PLXDC2: variants seen among roughly 807,000 people sequenced by gnomAD.
The protein encoded by PLXDC2 is plexin domain containing 2, also known as plexin domain-containing protein 2.
Under a neutral mutation model 68.9 loss-of-function variants are expected in PLXDC2, and 40 were observed. That is an observed-to-expected ratio of 0.58 (90% CI 0.45 to 0.76). The LOEUF is 0.76. PLXDC2 is among the 30% of genes least tolerant of loss of function. The pLI, the probability that PLXDC2 is intolerant of heterozygous loss-of-function variation, is 0.00. For missense variants in PLXDC2, 644 were observed against 661.9 expected (o/e 0.97, Z 0.30); for synonymous variants, 243 against 234.2 (o/e 1.04, Z -0.34).
chr10:19,952,400 G>A (rs547212474), intron 1 of PLXDC2, among the ~76,000 whole-genome samples: 3 of 152,210 alleles, frequency 2.0e-5, no homozygotes, highest in African/African-American at 7.2e-5. Context: ...CCTCAAATAA[G>A]TAATGAAAAT....
At chr10:20,118,574 C>G (rs1833653038) in intron 4 of PLXDC2, among the ~76,000 whole-genome samples, 1 of 152,124 alleles carries the variant, frequency 6.6e-6, no homozygotes, top group African/African-American at 2.4e-5. Context: ...TTTTCTAAAT[C>G]CATAGTGTAG....
intron 1 of PLXDC2, among the ~76,000 whole-genome samples, chr10:19,951,376 A>C (rs1258011828): frequency 7.9e-5 from 12 of 152,186 alleles, no homozygotes; most frequent in Non-Finnish European, 1.8e-4. Flanking sequence ...ATACACACAC[A>C]TAGGTAGCCA....
chr10:20,096,716 C>G (rs773073146), intron 4 of PLXDC2, among the ~76,000 whole-genome samples: 1 of 152,048 alleles, frequency 6.6e-6, no homozygotes, highest in Non-Finnish European at 1.5e-5. Flanking sequence ...ATTTGTAAAG[C>G]TAAGTAATTG....
chr10:20,221,102 C>T (rs1835205989), intron 12 of PLXDC2, among the ~76,000 whole-genome samples: 1 of 152,000 alleles, frequency 6.6e-6, no homozygotes, highest in Non-Finnish European at 1.5e-5. Context: ...CTCGACCTCC[C>T]AAAGTGCTGG....
At chr10:19,817,388 T>A (rs1307454503) in intron 1 of PLXDC2, among the ~76,000 whole-genome samples, 197 bp downstream of exon 1, 1 of 151,116 alleles carries the variant, frequency 6.6e-6, no homozygotes. Context: ...GGACTAGGGG[T>A]TTTCTTGAGG....
chr10:20,110,016 A>G (rs1306232619), intron 4 of PLXDC2, among the ~76,000 whole-genome samples: 1 of 152,242 alleles, frequency 6.6e-6, no homozygotes, highest in African/African-American at 2.4e-5. Flanking sequence ...ACAAGTCAAC[A>G]CACAAAAAAT....
At chr10:20,028,414 A>G (rs1167022332) in intron 2 of PLXDC2, among the ~76,000 whole-genome samples, 3 of 152,312 alleles carry the variant, frequency 2.0e-5, no homozygotes, top group African/African-American at 7.2e-5. Flanking sequence ...TTATTTGAAT[A>G]TGAGAGGGAG....
At position 20,267,758 on chromosome 10, in the gene PLXDC2, T is replaced by TACAAA. The variant is rs547418859; in HGVS notation, c.1474-11928_1474-11924dup. Among the ~76,000 whole-genome samples the TACAAA allele has an allele frequency of 3.2e-3, 452 of 141,462 alleles. 4 individuals carry two copies. Among genetic ancestry groups the TACAAA allele is most frequent in the African/African-American group, 0.012 (425 of 36,810 alleles). 92.8% of individuals were successfully genotyped at this position (141,462 alleles called of 152,430 possible). On this transcript the variant is annotated intron_variant, in intron 13 of 13. Transcript: ENST00000377252. ...AACCCCTGAGTATTATACCATTGACTACAAAACAAAACAAAACAAAAACAA... is the reference window on the plus strand; with the variant it reads ...AACCCCTGAGTATTATACCATTGACTACAAAACAAAACAAAACAAAACAAAAACAA...
At chr10:20,275,639 G>A (rs984489529) in intron 13 of PLXDC2, among the ~76,000 whole-genome samples, 5 of 151,870 alleles carry the variant, frequency 3.3e-5, no homozygotes, top group Non-Finnish European at 5.9e-5. Flanking sequence ...AGGGTCGGGC[G>A]CTTTGGCTCA....
chr10:20,063,559 G>T (rs1379389943), intron 3 of PLXDC2, among the ~76,000 whole-genome samples: 1 of 151,818 alleles, frequency 6.6e-6, no homozygotes, highest in Non-Finnish European at 1.5e-5. Flanking sequence ...TGGGAATTGG[G>T]TATATTTAGG....
At chr10:20,059,671 T>C (rs1022528650) in intron 3 of PLXDC2, among the ~76,000 whole-genome samples, 4 of 152,176 alleles carry the variant, frequency 2.6e-5, no homozygotes, top group African/African-American at 9.6e-5. Flanking sequence ...TCAGCCCCTT[T>C]CCATGGACAT....
intron 5 of PLXDC2, among the ~76,000 whole-genome samples, chr10:20,146,923 A>G (rs1224328179): frequency 6.6e-6 from 1 of 152,158 alleles, no homozygotes; most frequent in Non-Finnish European, 1.5e-5. Context: ...TTTCAGCACA[A>G]CTTTTTTGGG....
intron 4 of PLXDC2, among the ~76,000 whole-genome samples, chr10:20,105,004 T>TCA (rs1331670386): frequency 8.1e-6 from 1 of 123,142 alleles, no homozygotes; most frequent in Non-Finnish European, 1.6e-5. Context: ...TGAGCCGAGA[T>TCA]CACACCACAG....
chr10:19,976,649 G>A (rs1308383870), intron 1 of PLXDC2, among the ~76,000 whole-genome samples: 6 of 152,236 alleles, frequency 3.9e-5, no homozygotes, highest in Admixed American at 1.3e-4. Flanking sequence ...TCATTGCAGA[G>A]CACCCAATGT....
chr10:20,259,492 A>G (rs1835783469), intron 13 of PLXDC2, among the ~76,000 whole-genome samples: 1 of 152,238 alleles, frequency 6.6e-6, no homozygotes, highest in Admixed American at 6.5e-5. Flanking sequence ...TGTGGACAAT[A>G]TTTACAAAAA....
intron 1 of PLXDC2, among the ~76,000 whole-genome samples, chr10:19,924,814 T>A (rs1833512140): frequency 6.6e-6 from 1 of 152,208 alleles, no homozygotes; most frequent in Non-Finnish European, 1.5e-5. Flanking sequence ...GATATTGGTG[T>A]CTGTGTGTTC....
Position 20,285,578 on chromosome 10 carries a change from T to A in PLXDC2, c.*5759T>A, listed in dbSNP as rs1836142777. ...ATGTCTGTGCTGTAGACCTGTTAATTTTATCTGTGAGAAAAAAAGTTACTC... is the reference window on the plus strand; with the variant it reads ...ATGTCTGTGCTGTAGACCTGTTAATATTATCTGTGAGAAAAAAAGTTACTC... On this transcript the variant is annotated 3_prime_UTR_variant, in exon 14 of 14. Coordinates refer to ENST00000377252, the MANE Select transcript of PLXDC2 (RefSeq NM_032812.9). The A allele has an allele frequency of 6.6e-6, 1 of 152,212 alleles. No homozygotes were observed. Among genetic ancestry groups the A allele is most frequent in the African/African-American group, 2.4e-5 (1 of 41,444 alleles). 9.4% of individuals were successfully genotyped at this position (152,212 alleles called of 1,614,324 possible).
intron 10 of PLXDC2, among the ~76,000 whole-genome samples, chr10:20,214,440 C>T (rs1835109668): frequency 6.6e-6 from 1 of 152,134 alleles, no homozygotes; most frequent in African/African-American, 2.4e-5. Context: ...TCAGATTTTT[C>T]TCCCCTGTCT....
At chr10:19,949,299 G>A (rs1326231) in intron 1 of PLXDC2, among the ~76,000 whole-genome samples, 1 of 152,056 alleles carries the variant, frequency 6.6e-6, no homozygotes, top group African/African-American at 2.4e-5. Context: ...TGAAGGCTAA[G>A]GCTAGTTGAA....
Sources: gnomAD v4.1 joint callset for allele counts (sites outside exome capture counted in the v4.1 genomes callset) on GRCh38, gnomAD v4.1.1 for gene constraint, MANE v1.5 for transcripts, NCBI Gene and HGNC (gene_info 2026-07-23, HGNC 2026-07-21) for gene names.